Variants in CD1B observed in about 807,000 individuals in gnomAD.
CD1B encodes T-cell surface glycoprotein CD1b.
CD1B carries 43 observed loss-of-function variants against 39.8 expected under a neutral mutation model. That is an observed-to-expected ratio of 1.08 (90% CI 0.85 to 1.39). The LOEUF (loss-of-function observed/expected upper bound fraction) is 1.39. CD1B is among the 40% of genes most tolerant of loss of function. CD1B has a pLI of 0.00. For missense variants in CD1B, 495 were observed against 403.8 expected, an observed-to-expected ratio of 1.23 and a Z score of -1.94; for synonymous variants, 192 against 152.5, an observed-to-expected ratio of 1.26 and a Z score of -1.91.
At chr1:158,331,202 T>C (rs1652588541) in intron 1 of CD1B, 140 bp from the exon 2 acceptor site, 2 of 1,118,770 alleles carry the variant, frequency 1.8e-6, no homozygotes, top group African/African-American at 3.1e-5. Context: ...TTGACTGCCT[T>C]AAGGCTTCAG....
the CD1B span, among the ~76,000 whole-genome samples, chr1:158,304,406 A>G: frequency 2.0e-5 from 3 of 152,094 alleles, no homozygotes; most frequent in Admixed American, 1.3e-4. Flanking sequence ...GGCGCCCACC[A>G]TTGCCTAGGC....
chr1:158,325,227 G>A (rs1437375122), downstream of CD1B, among the ~76,000 whole-genome samples: 1 of 152,028 alleles, frequency 6.6e-6, no homozygotes, highest in Admixed American at 6.5e-5. Context: ...GGCACTTTGA[G>A]GTCCCTGACT....
the CD1B span, among the ~76,000 whole-genome samples, chr1:158,309,993 AAG>A: frequency 1.6e-4 from 24 of 152,072 alleles, no homozygotes; most frequent in African/African-American, 5.8e-4. Context: ...ATAAAAAAAA[AAG>A]AGTCTGAACA....
chr1:158,318,927 T>G, the CD1B span, among the ~76,000 whole-genome samples: 3 of 152,212 alleles, frequency 2.0e-5, no homozygotes, highest in African/African-American at 7.2e-5. Context: ...TTATGAAGCT[T>G]AGTTTGGCTG....
At chr1:158,312,112 AT>A in the CD1B span, among the ~76,000 whole-genome samples, 5 of 152,204 alleles carry the variant, frequency 3.3e-5, no homozygotes, top group East Asian at 9.6e-4. Context: ...AATGCCAATT[AT>A]TTCAATCTGT....
At chr1:158,316,042 G>A in the CD1B span, among the ~76,000 whole-genome samples, 1 of 152,000 alleles carries the variant, frequency 6.6e-6, no homozygotes, top group Non-Finnish European at 1.5e-5. Flanking sequence ...CCAGTACCAT[G>A]CTGTTTTGGT....
the CD1B span, among the ~76,000 whole-genome samples, chr1:158,299,640 A>G: frequency 3.9e-5 from 6 of 152,292 alleles, no homozygotes; most frequent in South Asian, 1.2e-3. Context: ...TTGGCAGGCT[A>G]TTAATTATTG....
At chr1:158,325,298 A>T (rs1332674191), downstream of CD1B, among the ~76,000 whole-genome samples, 1 of 152,148 alleles carries the variant, frequency 6.6e-6, no homozygotes, top group Non-Finnish European at 1.5e-5. Flanking sequence ...TTAAATTTTT[A>T]ATTCTATTCT....
chr1:158,298,777 A>G, the CD1B span, among the ~76,000 whole-genome samples: 6 of 152,142 alleles, frequency 3.9e-5, no homozygotes, highest in Admixed American at 3.9e-4. Context: ...CTTTGAAGCG[A>G]TTGTGAATGG....
chr1:158,310,556 C>G, the CD1B span, among the ~76,000 whole-genome samples: 3 of 152,198 alleles, frequency 2.0e-5, no homozygotes, highest in Admixed American at 6.5e-5. Context: ...AAAATACTTG[C>G]AAACTATGTG....
At chr1:158,288,372 AAAACAG>A in the CD1B span, among the ~76,000 whole-genome samples, 1 of 152,248 alleles carries the variant, frequency 6.6e-6, no homozygotes, top group Non-Finnish European at 1.5e-5. Flanking sequence ...ATATAAATTT[AAAACAG>A]AAACAATGTT....
chr1:158,329,302 C>T, intron 4 of CD1B, 68 bp downstream of exon 4: 2 of 1,541,576 alleles, frequency 1.3e-6, no homozygotes, highest in Non-Finnish European at 1.8e-6. Context: ...TATCCTTCCC[C>T]AGTGCCTCCC....
At chr1:158,292,613 C>T in the CD1B span, 3,426 of 1,612,740 alleles carry the variant, frequency 2.1e-3, 70 homozygotes, top group Non-Finnish European at 5.5e-4. Flanking sequence ...AGAAGCCTGG[C>T]TGTCCAGTCG....
chr1:158,316,617 A>G, the CD1B span, among the ~76,000 whole-genome samples: 1 of 151,088 alleles, frequency 6.6e-6, no homozygotes, highest in East Asian at 1.9e-4. Context: ...GGACAATTTG[A>G]CTTCCTCTTT....
downstream of CD1B, among the ~76,000 whole-genome samples, chr1:158,326,786 AATTATT>A (rs374291885): frequency 4.7e-5 from 7 of 149,542 alleles, no homozygotes; most frequent in Admixed American, 2.7e-4. Context: ...GCACATATAA[AATTATT>A]ATTATTATTA....
At chr1:158,317,761 T>C in the CD1B span, among the ~76,000 whole-genome samples, 15 of 152,366 alleles carry the variant, frequency 9.8e-5, no homozygotes, top group African/African-American at 3.4e-4. Flanking sequence ...TGTTAGGATG[T>C]CAATTTTGGA....
chr1:158,303,332 TA>T, the CD1B span, among the ~76,000 whole-genome samples: 3 of 152,170 alleles, frequency 2.0e-5, no homozygotes, highest in Non-Finnish European at 4.4e-5. Context: ...ACGTACTGAA[TA>T]AACAAAAGCT....
At chr1:158,296,772 C>T in the CD1B span, among the ~76,000 whole-genome samples, 1 of 152,028 alleles carries the variant, frequency 6.6e-6, no homozygotes, top group African/African-American at 2.4e-5. Flanking sequence ...TTTGACAGAG[C>T]TAAAAAATTC....
the CD1B span, chr1:158,292,880 A>G: frequency 1.2e-6 from 2 of 1,613,328 alleles, no homozygotes; most frequent in Admixed American, 1.7e-5. Context: ...CTGGGGTAAG[A>G]CTGGAGGTTG....
Sources: gnomAD v4.1 joint callset for allele counts (sites outside exome capture counted in the v4.1 genomes callset) on GRCh38, gnomAD v4.1.1 for gene constraint, MANE v1.5 for transcripts, NCBI Gene and HGNC (gene_info 2026-07-23, HGNC 2026-07-21) for gene names.